Variants in BANP observed in about 807,000 individuals in gnomAD.
BANP encodes protein BANP.
In BANP, 11 loss-of-function variants were observed where a neutral mutation model predicts 68.1. The ratio of observed to expected loss-of-function variants is 0.16; its 90% CI spans 0.10 to 0.27. The LOEUF is 0.27. BANP is among the 10% of genes least tolerant of loss of function. BANP has a pLI of 1.00. For synonymous variants in BANP, 329 were observed against 303.2 expected, an observed-to-expected ratio of 1.09 and a Z score of -0.88; for missense variants, 504 against 722.7, an observed-to-expected ratio of 0.70 and a Z score of 3.47.
At chr16:88,068,188 A>G (rs1399227074) in intron 12 of BANP, among the ~76,000 whole-genome samples, 3 of 152,098 alleles carry the variant, frequency 2.0e-5, no homozygotes, top group Admixed American at 2.0e-4. Flanking sequence ...GCTGTGTGGC[A>G]CGGGCTCCTG....
chr16:87,972,320 A>T lies in BANP; in HGVS notation c.-68-2728A>T, dbSNP rs116123781. Among the ~76,000 whole-genome samples the T allele has an allele frequency of 3.9e-3, 470 of 120,196 alleles. 4 individuals carry two copies. Among genetic ancestry groups the T allele is most frequent in the African/African-American group, 0.012 (448 of 36,910 alleles). The allele number at this position is 120,196 out of a possible 152,430, so 78.9% of individuals were successfully genotyped here. On this transcript the variant is annotated intron_variant, in intron 1 of 13. Coordinates refer to ENST00000682872, the MANE Select transcript of BANP (RefSeq NM_001386991.1). ...TTTCTTTTGTTTCTAATATATTCTG[A>T]GTTCTAGCACCTTGTTTCTGAGTTT...
intron 1 of BANP, among the ~76,000 whole-genome samples, chr16:87,967,749 G>A (rs1487387279): frequency 6.6e-6 from 1 of 151,826 alleles, no homozygotes; most frequent in Non-Finnish European, 1.5e-5. Context: ...AGCCTCCCGA[G>A]TAGCTGGGAA....
Position 88,071,185 on chromosome 16 carries a change from G to A in BANP, c.1378-884G>A, listed in dbSNP as rs377172994. The stretch of plus-strand genomic sequence containing the variant: ...GTGAGACTCTCAGTGCACAGAGTGC[G>A]GTTCTGTGTGGAGGTGTGGGATGCA... On this transcript the variant is annotated intron_variant, in intron 12 of 13. Coordinates refer to ENST00000682872, the MANE Select transcript of BANP (RefSeq NM_001386991.1). This position sits in a 1 kb window ranked among gnomAD's most constrained non-coding sequence, Gnocchi z 6.5. 8.9e-6 allele frequency: 3 copies of A among 336,192 alleles called. No homozygotes were observed. The highest frequency in any genetic ancestry group is 2.3e-5 in the South Asian group (1 of 43,868). 20.8% of individuals were successfully genotyped at this position (336,192 alleles called of 1,614,324 possible). A position where few individuals can be genotyped will look rare whatever the true frequency, so the allele number is the denominator to read the frequency against.
intron 4 of BANP, among the ~76,000 whole-genome samples, chr16:87,994,656 G>A (rs1031091753): frequency 1.3e-5 from 2 of 152,042 alleles, no homozygotes; most frequent in African/African-American, 2.4e-5. Context: ...AATCTTTAGC[G>A]TGGTACAGTG....
chr16:88,069,396 T>C (rs1484416561), intron 12 of BANP, among the ~76,000 whole-genome samples: 1 of 152,254 alleles, frequency 6.6e-6, no homozygotes, highest in Non-Finnish European at 1.5e-5. Context: ...AACCACAGGC[T>C]GTATCTTCTA....
intron 7 of BANP, among the ~76,000 whole-genome samples, 158 bp from the exon 8 acceptor site, chr16:88,027,325 G>A (rs1751068687): frequency 6.6e-6 from 1 of 152,228 alleles, no homozygotes; most frequent in Admixed American, 6.5e-5. Flanking sequence ...CTTCTGTGCA[G>A]TGGGCCTTTC....
At chr16:87,986,643 A>T (rs911843206) in intron 4 of BANP, among the ~76,000 whole-genome samples, 6 of 152,238 alleles carry the variant, frequency 3.9e-5, no homozygotes, top group African/African-American at 1.4e-4. Context: ...TGAGGGTAAC[A>T]GTGTCTGTGC....
chr16:88,068,604 G>A (rs2089438583), intron 12 of BANP, among the ~76,000 whole-genome samples: 1 of 152,152 alleles, frequency 6.6e-6, no homozygotes, highest in Non-Finnish European at 1.5e-5. Context: ...GAGCCCACTG[G>A]TGCGGGTGCT....
intron 12 of BANP, among the ~76,000 whole-genome samples, chr16:88,069,773 G>T (rs1215881622): frequency 6.6e-6 from 1 of 152,248 alleles, no homozygotes; most frequent in African/African-American, 2.4e-5. Context: ...ACGAACGTTT[G>T]TTCCTTGGAA....
In BANP at chr16:87,954,165, C is replaced by T. The variant is rs368425016; in HGVS notation, c.-69+2650C>T. Among the ~76,000 whole-genome samples, 212 of 152,148 alleles carry T rather than the reference C, an allele frequency of 1.4e-3. 2 individuals are homozygous for T. The highest frequency in any genetic ancestry group is 5.0e-3 in the African/African-American group (207 of 41,496). On this transcript the variant is annotated intron_variant, in intron 1 of 13. Transcript: ENST00000682872. ...CGTTCTAGGTGGAGCCCTGGAGTTG[C>T]GTCTTTATCCTTCCTTCTGTGTCTC...
rs7499959 is a variant in BANP at position 88,076,816 on chromosome 16, C to G, written c.*155C>G. On this transcript the variant is annotated 3_prime_UTR_variant, in exon 14 of 14. Coordinates refer to ENST00000682872, the MANE Select transcript of BANP (RefSeq NM_001386991.1). ...GCCTCCGCGGGGAACAGCATCCTATCAACTGAAAGAGCAGCCGCCGCCGCC... is the reference window on the plus strand; with the variant it reads ...GCCTCCGCGGGGAACAGCATCCTATGAACTGAAAGAGCAGCCGCCGCCGCC... 0.28 allele frequency: 175,724 copies of G among 630,588 alleles called. 26,710 individuals are homozygous for G. Among genetic ancestry groups the G allele is most frequent in the Non-Finnish European group, 0.3 (113,930 of 375,530 alleles). 39.1% of individuals were successfully genotyped at this position (630,588 alleles called of 1,614,324 possible).
At chr16:87,978,326 C>A (rs183713531) in intron 2 of BANP, 2 of 231,996 alleles carry the variant, frequency 8.6e-6, no homozygotes, top group Non-Finnish European at 1.8e-5. Flanking sequence ...GCTGTTATGA[C>A]GAAACTAGCT....
chr16:87,980,864 T>C, intron 2 of BANP, 172 bp from the exon 3 acceptor site: 1 of 588,230 alleles, frequency 1.7e-6, no homozygotes, highest in East Asian at 2.9e-5. Flanking sequence ...ATTAAGGAGT[T>C]ATCCTGTTTT....
intron 7 of BANP, among the ~76,000 whole-genome samples, chr16:88,026,012 C>T (rs1309831600): frequency 1.3e-5 from 2 of 152,194 alleles, no homozygotes; most frequent in African/African-American, 2.4e-5. Flanking sequence ...TGGGAAGTGG[C>T]CGGGCGTGCA....
At chr16:87,951,847 C>G (rs1597620595) in intron 1 of BANP, among the ~76,000 whole-genome samples, 1 of 152,118 alleles carries the variant, frequency 6.6e-6, no homozygotes, top group Admixed American at 6.5e-5. Context: ...GGGAAGGACC[C>G]GGAGCCACGG....
rs114972488 is a variant in BANP at position 88,059,977 on chromosome 16, G to C, written c.1312-5290G>C. Among the ~76,000 whole-genome samples, 1,127 of 152,350 alleles carry C rather than the reference G, an allele frequency of 7.4e-3. 14 individuals are homozygous for C. Among genetic ancestry groups the C allele is most frequent in the African/African-American group, 0.025 (1,051 of 41,584 alleles). On this transcript the variant is annotated intron_variant, in intron 11 of 13. Coordinates refer to ENST00000682872, the MANE Select transcript of BANP (RefSeq NM_001386991.1). Reference sequence around the variant, plus strand: ...CAGGAGGGCTGAGGTTGGCACAGGTGGGGTTCTCCGTGTAGTGTGTGGTGA... The same window carrying C: ...CAGGAGGGCTGAGGTTGGCACAGGTCGGGTTCTCCGTGTAGTGTGTGGTGA...
chr16:87,963,471 C>G (rs906077878), intron 1 of BANP: 3 of 152,282 alleles, frequency 2.0e-5, no homozygotes, highest in African/African-American at 7.2e-5. Context: ...CTGCATGGAT[C>G]TGATCACGGG....
chr16:87,976,076 A>G lies in BANP; in HGVS notation c.70+891A>G, dbSNP rs572244176. On this transcript the variant is annotated intron_variant, in intron 2 of 13. Coordinates refer to ENST00000682872, the MANE Select transcript of BANP (RefSeq NM_001386991.1). Reference sequence around the variant, plus strand: ...GGATTCATTCACAGGTGCCCCCTCCACAGTTGACTCTTCTCTTTCAGAGGG... The same window carrying G: ...GGATTCATTCACAGGTGCCCCCTCCGCAGTTGACTCTTCTCTTTCAGAGGG... Among the ~76,000 whole-genome samples, 5 of 152,326 alleles carry G rather than the reference A, an allele frequency of 3.3e-5. No individual in the cohort carries two copies. In the East Asian group the frequency reaches 7.7e-4, roughly 23 times the overall value.
Position 88,037,962 on chromosome 16 carries a change from G to C in BANP, c.1273-11G>C. The C allele has an allele frequency of 6.2e-7, 1 of 1,613,578 alleles. No homozygotes were observed. The highest frequency in any genetic ancestry group is 8.5e-7 in the Non-Finnish European group (1 of 1,179,602). The stretch of plus-strand genomic sequence containing the variant: ...CTACTCATGACCGTCTCCTCCTCTC[G>C]TTCTTTGTAGGGCAACCTCCAGATC... On this transcript the variant is annotated splice_polypyrimidine_tract_variant and intron_variant, in intron 10 of 13. Transcript: ENST00000682872.
Sources: gnomAD v4.1 joint callset for allele counts (sites outside exome capture counted in the v4.1 genomes callset) on GRCh38, gnomAD v4.1.1 for gene constraint, Gnocchi (gnomAD v3.1) non-coding constraint, MANE v1.5 for transcripts, NCBI Gene and HGNC (gene_info 2026-07-23, HGNC 2026-07-21) for gene names.